The following PCDHGB2 variants were observed in gnomAD, a reference collection of about 807,000 sequenced individuals.
The protein encoded by PCDHGB2 is protocadherin gamma subfamily B, 2.
Under a neutral mutation model 59.3 loss-of-function variants are expected in PCDHGB2, and 55 were observed. The observed-to-expected ratio is 0.93, with a 90% CI of 0.75 to 1.16. The LOEUF (loss-of-function observed/expected upper bound fraction) is 1.16, where lower values mean the gene tolerates loss of function less well. Among genes scored for constraint, PCDHGB2 ranks in the 50% most tolerant of loss-of-function variants. The pLI is 0.00. For synonymous variants in PCDHGB2, 516 were observed against 512.0 expected (o/e 1.01, Z -0.11); for missense variants, 1,228 against 1,198.5 (o/e 1.02, Z -0.36).
rs774071540 is a variant in PCDHGB2, at chr5:141,511,042, G to A, written c.2665G>A (p.Asp889Asn). 8 of 1,614,064 alleles carry A rather than the reference G, an allele frequency of 5.0e-6. No homozygotes were observed. Among genetic ancestry groups the A allele is most frequent in the Non-Finnish European group, 6.8e-6 (8 of 1,180,016 alleles). Residue 889 changes from aspartate to asparagine, a missense_variant, in exon 4 of 4, where the codon GAC becomes AAC. Physicochemically the swap from Asp to Asn is conservative, Grantham distance 23. Coordinates refer to ENST00000522605, the MANE Select transcript of PCDHGB2 (RefSeq NM_018923.3). Reference sequence around the variant, plus strand: ...CCAGTTCACCCTGCAGCACGTGCCCGACTACCGCCAGAATGTCTACATCCC... The same window carrying A: ...CCAGTTCACCCTGCAGCACGTGCCCAACTACCGCCAGAATGTCTACATCCC... ...GPQFTLQHVPDYRQNVYIPGS... is the reference protein window; with the variant it reads ...GPQFTLQHVPNYRQNVYIPGS...
intron 1 of PCDHGB2, chr5:141,402,863 A>C: frequency 1.2e-5 from 17 of 1,429,924 alleles, no homozygotes; most frequent in Non-Finnish European, 1.6e-5. Flanking sequence ...TCTAAGGAAA[A>C]GATCACCATA....
At chr5:141,376,163 G>C in intron 1 of PCDHGB2, 11 of 1,614,112 alleles carry the variant, frequency 6.8e-6, no homozygotes, top group Non-Finnish European at 9.3e-6. Flanking sequence ...TCTGTACCTG[G>C]TGGTGGCGGT....
In PCDHGB2 at chr5:141,500,938, G is replaced by A. The variant is rs1317178701; in HGVS notation, c.2481-4455G>A. On this transcript the variant is annotated intron_variant, in intron 2 of 3. Transcript: ENST00000522605. Reference sequence around the variant, plus strand: ...GGCTGGGGTGCAGTGGCGCCATCTCGGCTCACTGCAAGCTCCACCTCCTGG... The same window carrying A: ...GGCTGGGGTGCAGTGGCGCCATCTCAGCTCACTGCAAGCTCCACCTCCTGG... 2.6e-5 allele frequency among the ~76,000 whole-genome samples: 4 copies of A among 151,060 alleles called. No homozygotes were observed. The East Asian group carries it at 5.8e-4, about 22-fold the overall frequency.
rs764843194 is a variant in PCDHGB2 at position 141,490,530 on chromosome 5, T to A, written c.2422-4277T>A. 1.2e-6 allele frequency: 2 copies of A among 1,613,794 alleles called. No individual in the cohort carries two copies. Among genetic ancestry groups the A allele is most frequent in the African/African-American group, 2.7e-5 (2 of 74,846 alleles). ...TCGAGCTGCTGGCCAGCGATGCTGG[T>A]TCACCTTCCCTACACAAACATCTCA... On this transcript the variant is annotated intron_variant, in intron 1 of 3. Coordinates refer to ENST00000522605, the MANE Select transcript of PCDHGB2 (RefSeq NM_018923.3). This position sits in a 1 kb window ranked among gnomAD's most constrained non-coding sequence, Gnocchi z 5.4.
At chr5:141,381,986 C>T (rs1360595056) in intron 1 of PCDHGB2, among the ~76,000 whole-genome samples, 1 of 151,810 alleles carries the variant, frequency 6.6e-6, no homozygotes, top group African/African-American at 2.4e-5. Context: ...CGCGCCACCA[C>T]GCCCGGATAA....
Position 141,486,006 on chromosome 5 carries a change from C to G in PCDHGB2, c.2422-8801C>G, listed in dbSNP as rs1394484191. The G allele has an allele frequency of 1.9e-6, 3 of 1,614,190 alleles. No individual in the cohort carries two copies. The highest frequency in any genetic ancestry group is 1.1e-5 in the South Asian group (1 of 91,084). On this transcript the variant is annotated intron_variant, in intron 1 of 3. Transcript: ENST00000522605. The surrounding 1 kb of genome is among the most constrained non-coding windows in gnomAD (Gnocchi z 5.0). Reference sequence around the variant, plus strand: ...GACCTGGGTCCCAGTGGTAACGTCACCTTTTATTTCAGTGGTCATACCCCT... The same window carrying G: ...GACCTGGGTCCCAGTGGTAACGTCAGCTTTTATTTCAGTGGTCATACCCCT...
intron 1 of PCDHGB2, chr5:141,365,043 A>AT (rs1763697788): frequency 1.2e-6 from 2 of 1,613,696 alleles, no homozygotes; most frequent in African/African-American, 2.7e-5. Context: ...GCAAACGACA[A>AT]TGCGCCCCTG....
chr5:141,474,981 G>A (rs1336399018), intron 1 of PCDHGB2, among the ~76,000 whole-genome samples: 1 of 152,126 alleles, frequency 6.6e-6, no homozygotes, highest in African/African-American at 2.4e-5. Context: ...ATTTTGTTTG[G>A]TGACAACAAT....
intron 1 of PCDHGB2, chr5:141,428,330 T>C: frequency 1.6e-6 from 1 of 628,558 alleles, no homozygotes; most frequent in Non-Finnish European, 2.9e-6. Flanking sequence ...TTGATTTCTA[T>C]GCTCTTCTTC....
intron 1 of PCDHGB2, among the ~76,000 whole-genome samples, chr5:141,483,024 G>A (rs1210804345): frequency 6.6e-6 from 1 of 152,094 alleles, no homozygotes; most frequent in Non-Finnish European, 1.5e-5. Context: ...GGCAGAGGTT[G>A]CAATGAGCTG....
In PCDHGB2 at chr5:141,454,796, ATTTTT is replaced by A. The variant is rs61612330; in HGVS notation, c.2422-39986_2422-39982del. Among the ~76,000 whole-genome samples the A allele has an allele frequency of 4.9e-3, 378 of 77,354 alleles. 2 individuals carry two copies. Among genetic ancestry groups the A allele is most frequent in the Admixed American group, 9.2e-3 (51 of 5,544 alleles). 50.7% of individuals were successfully genotyped at this position (77,354 alleles called of 152,430 possible). On this transcript the variant is annotated intron_variant, in intron 1 of 3. Coordinates refer to ENST00000522605, the MANE Select transcript of PCDHGB2 (RefSeq NM_018923.3). ...AAGGAAATAATCCTCCATGGTTCTA[ATTTTT>A]TTTTTTTTTTTTTTTTTTTTTTTTG...
chr5:141,384,703 G>T, intron 1 of PCDHGB2: 2 of 1,614,100 alleles, frequency 1.2e-6, no homozygotes, highest in Non-Finnish European at 8.5e-7. Context: ...AGGCCAGAAC[G>T]CCTGGCTGTC....
chr5:141,425,934 G>A lies in PCDHGB2; in HGVS notation c.2421+63378G>A, dbSNP rs1237431530. Among the ~76,000 whole-genome samples, 4 of 152,352 alleles carry A rather than the reference G, an allele frequency of 2.6e-5. 1 individual carries two copies. Among genetic ancestry groups the A allele is most frequent in the East Asian group, 1.9e-4 (1 of 5,188 alleles). On this transcript the variant is annotated intron_variant, in intron 1 of 3. Coordinates refer to ENST00000522605, the MANE Select transcript of PCDHGB2 (RefSeq NM_018923.3). ...CAGTCACTACGAAAACTCATAAAAT[G>A]TCTAGTTTCCTATACATTAGTCCAA...
intron 1 of PCDHGB2, chr5:141,441,857 ACGCCGC>A (rs2098279969): frequency 2.8e-6 from 1 of 352,664 alleles, no homozygotes; most frequent in Non-Finnish European, 5.6e-6. Flanking sequence ...ATGGTGCTGC[ACGCCGC>A]GGAGCCTGGC....
chr5:141,365,451 G>A lies in PCDHGB2; in HGVS notation c.2421+2895G>A, dbSNP rs553043540. 116 of 1,614,042 alleles carry A rather than the reference G, an allele frequency of 7.2e-5. No homozygotes were observed. In the Admixed American group the frequency reaches 1.8e-3, roughly 25 times the overall value. On this transcript the variant is annotated intron_variant, in intron 1 of 3. Coordinates refer to ENST00000522605, the MANE Select transcript of PCDHGB2 (RefSeq NM_018923.3). The stretch of plus-strand genomic sequence containing the variant: ...ATCGCGCTGTTTAGCGTACATGATG[G>A]TGATTCTGGAGAAAATGGTGAGATT...
rs766092387 is a variant in PCDHGB2 at position 141,491,171 on chromosome 5, T to C, written c.2422-3636T>C. 7.4e-6 allele frequency: 12 copies of C among 1,613,968 alleles called. No individual in the cohort carries two copies. The highest frequency in any genetic ancestry group is 1.3e-5 in the African/African-American group (1 of 74,904). On this transcript the variant is annotated intron_variant, in intron 1 of 3. Coordinates refer to ENST00000522605, the MANE Select transcript of PCDHGB2 (RefSeq NM_018923.3). The surrounding 1 kb of genome is among the most constrained non-coding windows in gnomAD (Gnocchi z 6.9). The stretch of plus-strand genomic sequence containing the variant: ...GAGGATGACTCTGACACCCAGCAGG[T>C]GGTGGTCCTGGTGAGGGACAATGGT...
In PCDHGB2 at chr5:141,420,606, G is replaced by A. The variant is rs141099124; in HGVS notation, c.2421+58050G>A. On this transcript the variant is annotated intron_variant, in intron 1 of 3. Coordinates refer to ENST00000522605, the MANE Select transcript of PCDHGB2 (RefSeq NM_018923.3). Reference sequence around the variant, plus strand: ...CCTGATGCTACTCAATTTTTCTCAAGTATTTCATCTTCATTTACTCAATAA... The same window carrying A: ...CCTGATGCTACTCAATTTTTCTCAAATATTTCATCTTCATTTACTCAATAA... Among the ~76,000 whole-genome samples the A allele has an allele frequency of 2.7e-3, 411 of 152,256 alleles. 1 individual carries two copies. Among genetic ancestry groups the A allele is most frequent in the African/African-American group, 9.4e-3 (392 of 41,546 alleles).
At position 141,400,239 on chromosome 5, in the gene PCDHGB2, T is replaced by G. The variant is rs1306520918; in HGVS notation, c.2421+37683T>G. Reference sequence around the variant, plus strand: ...CAGTGCTCTTCCTCCTGGCCGTGATTCTGGCCGTTGCCTTGCGCCTGCGAC... The same window carrying G: ...CAGTGCTCTTCCTCCTGGCCGTGATGCTGGCCGTTGCCTTGCGCCTGCGAC... On this transcript the variant is annotated intron_variant, in intron 1 of 3. Coordinates refer to ENST00000522605, the MANE Select transcript of PCDHGB2 (RefSeq NM_018923.3). 1.9e-6 allele frequency: 3 copies of G among 1,614,054 alleles called. No individual in the cohort carries two copies. The highest frequency in any genetic ancestry group is 2.2e-5 in the East Asian group (1 of 44,880).
rs760465689 is a variant in PCDHGB2, at chr5:141,361,830, C to G, written c.1695C>G (p.Pro565=). ...LNDNAPRVLY[P]ALGPDGSALF... ...ACAATGCGCCACGGGTGCTGTACCC[C>G]GCGCTGGGGCCTGATGGCTCCGCCC... The change falls in exon 1 of 4, where the codon CCC becomes CCG. Residue 565 remains proline (P), a synonymous_variant. Coordinates refer to ENST00000522605, the MANE Select transcript of PCDHGB2 (RefSeq NM_018923.3). 4 of 1,612,982 alleles carry G rather than the reference C, an allele frequency of 2.5e-6. No homozygotes were observed. Among genetic ancestry groups the G allele is most frequent in the East Asian group, 2.2e-5 (1 of 44,870 alleles).
Sources: gnomAD v4.1 joint callset for allele counts (sites outside exome capture counted in the v4.1 genomes callset) on GRCh38, gnomAD v4.1.1 for gene constraint, Gnocchi (gnomAD v3.1) non-coding constraint, MANE v1.5 for transcripts, NCBI Gene and HGNC (gene_info 2026-07-23, HGNC 2026-07-21) for gene names.